Variants in RABGAP1L observed in about 807,000 individuals in gnomAD.
The protein encoded by RABGAP1L is rab GTPase-activating protein 1-like.
Under a neutral mutation model 137.7 loss-of-function variants are expected in RABGAP1L, and 63 were observed. The ratio of observed to expected loss-of-function variants is 0.46; its 90% CI spans 0.37 to 0.56. The LOEUF (loss-of-function observed/expected upper bound fraction) is 0.56. Ranked by LOEUF, RABGAP1L falls within the 20% of genes least tolerant of loss-of-function variation. The pLI, the probability that RABGAP1L is intolerant of heterozygous loss-of-function variation, is 0.00. For synonymous variants in RABGAP1L, 431 were observed against 433.7 expected, an observed-to-expected ratio of 0.99 and a Z score of 0.08; for missense variants, 1,095 against 1,244.0, an observed-to-expected ratio of 0.88 and a Z score of 1.80.
rs780878209 is a variant in RABGAP1L, at chr1:174,250,540, T to G, written c.783T>G (p.Val261=). The change falls in exon 6 of 26, where the codon GTT becomes GTG. Residue 261 remains valine (V), a synonymous_variant. Transcript: ENST00000681986. ...FKRSSRQVSD[V]KDSVIPTPDS... ...GTTCTTCCAGACAAGTGTCTGATGT[T>G]AAAGACTCAGTTATTCCTACCCCCG... 3.0e-5 allele frequency: 48 copies of G among 1,613,748 alleles called. No homozygotes were observed. The Admixed American group carries it at 7.8e-4, about 26-fold the overall frequency.
intron 17 of RABGAP1L, among the ~76,000 whole-genome samples, chr1:174,717,886 A>C (rs979164505): frequency 6.6e-6 from 1 of 152,230 alleles, no homozygotes; most frequent in Non-Finnish European, 1.5e-5. Context: ...ATACCAGTGA[A>C]TCTTGAAGAA....
At chr1:174,965,874 T>C (rs1027802655) in intron 20 of RABGAP1L, among the ~76,000 whole-genome samples, 5 of 152,198 alleles carry the variant, frequency 3.3e-5, no homozygotes, top group Admixed American at 1.3e-4. Context: ...ACACTCAGTT[T>C]CTCCCAAATC....
chr1:174,164,973 T>G (rs1664784527), intron 1 of RABGAP1L, among the ~76,000 whole-genome samples: 1 of 152,104 alleles, frequency 6.6e-6, no homozygotes, highest in Non-Finnish European at 1.5e-5. Flanking sequence ...CCTCACTTAG[T>G]GTGTATAAGG....
At chr1:174,768,241 G>C (rs1685837480) in intron 18 of RABGAP1L, among the ~76,000 whole-genome samples, 1 of 152,192 alleles carries the variant, frequency 6.6e-6, no homozygotes, top group African/African-American at 2.4e-5. Context: ...AACAGGACAG[G>C]AGAGGGCCCT....
At chr1:174,686,772 C>G (rs1392882028) in intron 15 of RABGAP1L, among the ~76,000 whole-genome samples, 1 of 150,824 alleles carries the variant, frequency 6.6e-6, no homozygotes, top group Non-Finnish European at 1.5e-5. Flanking sequence ...TTCTCCTGCC[C>G]CAGCCTCCAG....
intron 19 of RABGAP1L, among the ~76,000 whole-genome samples, chr1:174,866,491 A>G (rs532171601): frequency 5.9e-5 from 9 of 152,322 alleles, no homozygotes; most frequent in African/African-American, 2.2e-4. Context: ...TGTTGCCTCA[A>G]TTCACATGAT....
chr1:174,163,373 A>G (rs1664661369), intron 1 of RABGAP1L, among the ~76,000 whole-genome samples: 1 of 152,192 alleles, frequency 6.6e-6, no homozygotes, highest in Non-Finnish European at 1.5e-5. Context: ...GCTCTTATTC[A>G]ACAGATGGGA....
At chr1:174,247,643 A>C (rs887821211) in intron 5 of RABGAP1L, among the ~76,000 whole-genome samples, 1 of 152,156 alleles carries the variant, frequency 6.6e-6, no homozygotes, top group African/African-American at 2.4e-5. Context: ...GGCTGCCCAC[A>C]CATATCCTTG....
At chr1:174,743,120 A>G (rs757605831) in intron 17 of RABGAP1L, among the ~76,000 whole-genome samples, 12 of 152,204 alleles carry the variant, frequency 7.9e-5, no homozygotes, top group Non-Finnish European at 1.8e-4. Flanking sequence ...GCTGCAGCAG[A>G]CGAGATGAGA....
At chr1:174,351,734 T>C (rs2148932310) in intron 11 of RABGAP1L, among the ~76,000 whole-genome samples, 1 of 152,266 alleles carries the variant, frequency 6.6e-6, no homozygotes, top group East Asian at 1.9e-4. Context: ...TTCTATAACC[T>C]TTTTATACTT....
intron 4 of RABGAP1L, among the ~76,000 whole-genome samples, chr1:174,239,998 T>A (rs950118969): frequency 1.3e-5 from 2 of 152,230 alleles, no homozygotes; most frequent in Admixed American, 1.3e-4. Flanking sequence ...ATTGTTTATA[T>A]GTTATCGTCT....
chr1:174,355,025 C>T (rs1239494732), intron 11 of RABGAP1L, among the ~76,000 whole-genome samples: 1 of 152,106 alleles, frequency 6.6e-6, no homozygotes, highest in African/African-American at 2.4e-5. Flanking sequence ...GGACTGTAAA[C>T]TAGTTCAACC....
chr1:174,630,803 C>G (rs1673314037), intron 13 of RABGAP1L, among the ~76,000 whole-genome samples: 2 of 142,460 alleles, frequency 1.4e-5, no homozygotes, highest in Admixed American at 1.4e-4. Context: ...ATTAGTCTTG[C>G]TAGTGGTCTA....
chr1:174,371,630 A>T (rs1278348977), intron 12 of RABGAP1L, among the ~76,000 whole-genome samples: 1 of 152,050 alleles, frequency 6.6e-6, no homozygotes. Flanking sequence ...TTTATGATAC[A>T]TTTTTTAAAA....
chr1:174,375,433 G>T (rs767689389), intron 12 of RABGAP1L, among the ~76,000 whole-genome samples: 1 of 151,856 alleles, frequency 6.6e-6, no homozygotes, highest in Non-Finnish European at 1.5e-5. Context: ...TTTTTATAAA[G>T]ATTAATATGT....
At chr1:174,690,262 A>G (rs532754923) in intron 15 of RABGAP1L, among the ~76,000 whole-genome samples, 1 of 152,150 alleles carries the variant, frequency 6.6e-6, no homozygotes, top group Non-Finnish European at 1.5e-5. Context: ...TCTTGTTATC[A>G]TCCTTCTAGG....
chr1:174,632,564 G>C (rs867433534), intron 13 of RABGAP1L, among the ~76,000 whole-genome samples: 115 of 150,266 alleles, frequency 7.7e-4, no homozygotes, highest in African/African-American at 2.3e-3. Flanking sequence ...TCACATAGTC[G>C]CATATTTCTT....
intron 1 of RABGAP1L, among the ~76,000 whole-genome samples, chr1:174,204,795 C>G (rs1184837066): frequency 6.6e-6 from 1 of 152,132 alleles, no homozygotes; most frequent in Non-Finnish European, 1.5e-5. Context: ...TCTGGTTGTT[C>G]TCACGAGATG....
chr1:174,192,422 A>G (rs896084528), intron 1 of RABGAP1L, among the ~76,000 whole-genome samples: 3 of 150,844 alleles, frequency 2.0e-5, no homozygotes, highest in Non-Finnish European at 4.4e-5. Context: ...TACCAGGTTC[A>G]AGTGATTCTT....
Sources: allele counts gnomAD v4.1 joint callset (sites outside exome capture counted in the v4.1 genomes callset), GRCh38; gene constraint gnomAD v4.1.1; transcripts MANE v1.5; gene names NCBI Gene and HGNC (gene_info 2026-07-23, HGNC 2026-07-21).